LIG1: variants seen among roughly 807,000 people sequenced by gnomAD.
The protein encoded by LIG1 is ligase I, DNA, ATP-dependent.
In LIG1, 70 loss-of-function variants were observed where a neutral mutation model predicts 115.7. That is an observed-to-expected ratio of 0.60 (90% CI 0.50 to 0.74). LIG1 has a LOEUF of 0.74. Among genes scored for constraint, LIG1 ranks in the 30% least tolerant of loss-of-function variants. LIG1 has a pLI of 0.00. For missense variants in LIG1, 1,115 were observed against 1,225.6 expected, an observed-to-expected ratio of 0.91 and a Z score of 1.35; for synonymous variants, 487 against 495.3, an observed-to-expected ratio of 0.98 and a Z score of 0.22.
At position 48,122,918 on chromosome 19, in the gene LIG1, G is replaced by T. The variant is rs767192842; in HGVS notation, c.2232+16C>A. 8.1e-6 allele frequency: 13 copies of T among 1,612,886 alleles called. No individual in the cohort carries two copies. In the Admixed American group the frequency reaches 1.8e-4, roughly 23 times the overall value. On this transcript the variant is annotated intron_variant, in intron 23 of 27. Transcript: ENST00000263274. The surrounding 1 kb of genome is among the most constrained non-coding windows in gnomAD (Gnocchi z 4.3). ...GACCCGGGGTGGAGAAGGCCCAGTT[G>T]GGGGTCGAGAATCACCTTGAGCCAG...
intron 4 of LIG1, 165 bp downstream of exon 4, chr19:48,161,207 G>A: frequency 1.0e-6 from 1 of 973,962 alleles, no homozygotes; most frequent in Admixed American, 1.8e-5. Flanking sequence ...TAGGGCAGGG[G>A]CAATTAGGAC....
chr19:48,157,124 C>G lies in LIG1; in HGVS notation c.260G>C (p.Cys87Ser). ...PAKGQKPALD[C>S]SQVSPPRPAT... Reference sequence around the variant, plus strand: ...AGGACGGGGCGGGGAGACCTGTGAGCAGTCCAGGGCAGGCTTCTGGAAGAG... The same window carrying G: ...AGGACGGGGCGGGGAGACCTGTGAGGAGTCCAGGGCAGGCTTCTGGAAGAG... Residue 87 changes from cysteine to serine, a missense_variant, in exon 5 of 28, where the codon TGC becomes TCC. Cys to Ser is a moderately radical substitution (Grantham distance 112). Coordinates refer to ENST00000263274, the MANE Select transcript of LIG1 (RefSeq NM_000234.3). The G allele has an allele frequency of 6.2e-7, 1 of 1,611,664 alleles. No homozygotes were observed. The highest frequency in any genetic ancestry group is 8.5e-7 in the Non-Finnish European group (1 of 1,178,764).
Position 48,157,071 on chromosome 19 carries a change from G to T in LIG1, c.313C>A (p.Leu105Ile). ...CTGTCCATGGGAGAGGTGTCAGAGA[G>T]GGAAGCATTGTTCTCAGGAGATGTG... ...PATSPENNASLSDTSPMDSSP... is the reference protein window; with the variant it reads ...PATSPENNASISDTSPMDSSP... Residue 105 changes from leucine to isoleucine, a missense_variant, in exon 5 of 28, where the codon CTC becomes ATC. Leu to Ile is a conservative substitution (Grantham distance 5, BLOSUM62 2). Coordinates refer to ENST00000263274, the MANE Select transcript of LIG1 (RefSeq NM_000234.3). 6.2e-7 allele frequency: 1 copy of T among 1,612,954 alleles called. No homozygotes were observed. The highest frequency in any genetic ancestry group is 1.1e-5 in the South Asian group (1 of 91,070).
intron 26 of LIG1, among the ~76,000 whole-genome samples, chr19:48,116,401 T>C (rs1472774415): frequency 1.3e-5 from 2 of 148,832 alleles, no homozygotes; most frequent in African/African-American, 5.0e-5. Flanking sequence ...TGAGCTGAGA[T>C]TGCGCCACTG....
At chr19:48,165,514 A>C in intron 2 of LIG1, 36 bp downstream of exon 2, 6 of 1,463,362 alleles carry the variant, frequency 4.1e-6, no homozygotes, top group Non-Finnish European at 3.8e-6. Flanking sequence ...GAGGACTTGG[A>C]GAAGGAAAGA....
At chr19:48,169,715 G>A (rs956578699) in intron 1 of LIG1, 5 of 147,858 alleles carry the variant, frequency 3.4e-5, no homozygotes, top group African/African-American at 1.3e-4. Flanking sequence ...GCACTTCCAG[G>A]TGGCCCCCGC....
chr19:48,156,101 G>C (rs1227232352), intron 5 of LIG1, among the ~76,000 whole-genome samples: 2 of 152,166 alleles, frequency 1.3e-5, no homozygotes, highest in African/African-American at 4.8e-5. Flanking sequence ...TGTTCCCCAA[G>C]CTGGTTTTCC....
intron 9 of LIG1, among the ~76,000 whole-genome samples, chr19:48,145,064 T>C (rs991252364): frequency 1.3e-5 from 2 of 152,312 alleles, no homozygotes; most frequent in East Asian, 1.9e-4. Flanking sequence ...CAAGCAACCA[T>C]GCCCGACTGA....
In LIG1 at chr19:48,139,963, C is replaced by A. The variant is rs1015628038; in HGVS notation, c.1087+8G>T. 1.2e-6 allele frequency: 2 copies of A among 1,614,072 alleles called. No individual in the cohort carries two copies. Among genetic ancestry groups the A allele is most frequent in the Admixed American group, 1.7e-5 (1 of 60,028 alleles). On this transcript the variant is annotated splice_region_variant and intron_variant, in intron 12 of 27. Transcript: ENST00000263274. ...CCTTCTGGTCCCTCCAACCACAGTC[C>A]CCCTTACCTGTGGCCTGGGCCACTG...
At position 48,133,061 on chromosome 19, in the gene LIG1, CG is replaced by C; in HGVS notation, c.1645del (p.Arg549GlyfsTer7). On this transcript the variant is annotated frameshift_variant, in exon 18 of 28. Coordinates refer to ENST00000263274, the MANE Select transcript of LIG1 (RefSeq NM_000234.3). LOFTEE classifies it high-confidence loss of function. Reference protein sequence around the residue: ...PLKPMLAHPTRGISEVLKRFE... With the variant: ...PLKPMLAHPTXGISEVLKRFE... ...GCGTTTCAGGACCTCGCTGATGCCC[CG>C]GGTGGGATGGGCCAACATTGGTTTC... The C allele has an allele frequency of 6.2e-7, 1 of 1,614,086 alleles. No individual in the cohort carries two copies. The highest frequency in any genetic ancestry group is 8.5e-7 in the Non-Finnish European group (1 of 1,179,970).
chr19:48,145,375 G>A (rs1044161347), intron 9 of LIG1, among the ~76,000 whole-genome samples: 1 of 152,134 alleles, frequency 6.6e-6, no homozygotes, highest in African/African-American at 2.4e-5. Context: ...TACTATGACA[G>A]GTTGTCCTGA....
intron 3 of LIG1, 116 bp downstream of exon 3, chr19:48,162,145 TG>T: frequency 1.1e-6 from 1 of 898,824 alleles, no homozygotes; most frequent in Non-Finnish European, 1.9e-6. Flanking sequence ...TCTGGCCACC[TG>T]GCTGAAAAAG....
rs1364053861 is a variant in LIG1 at position 48,121,901 on chromosome 19, G to T, written c.2233-579C>A. Among the ~76,000 whole-genome samples, 3 of 152,206 alleles carry T rather than the reference G, an allele frequency of 2.0e-5. No individual in the cohort carries two copies. In the East Asian group the frequency reaches 5.8e-4, roughly 29 times the overall value. On this transcript the variant is annotated intron_variant, in intron 23 of 27. Coordinates refer to ENST00000263274, the MANE Select transcript of LIG1 (RefSeq NM_000234.3). ...GCCGCCGTCTTTCCCTCAGGACAGA[G>T]ACGTGGCCAACTCACTCTGGCCACT... is the stretch of plus-strand genomic sequence containing the variant.
At chr19:48,148,225 G>A (rs1055305294) in intron 9 of LIG1, among the ~76,000 whole-genome samples, 1 of 152,144 alleles carries the variant, frequency 6.6e-6, no homozygotes, top group Non-Finnish European at 1.5e-5. Flanking sequence ...TGTAATCCCA[G>A]CACTTTGAGA....
At chr19:48,135,939 C>T (rs1319116360) in intron 15 of LIG1, 95 bp downstream of exon 15, 8 of 1,108,180 alleles carry the variant, frequency 7.2e-6, no homozygotes, top group South Asian at 1.4e-5. Context: ...GGCAGGGGCC[C>T]GCTGGGGAAG....
Position 48,121,200 on chromosome 19 carries a change from C to T in LIG1, c.2355G>A (p.Glu785=). The T allele has an allele frequency of 1.9e-6, 3 of 1,614,140 alleles. No homozygotes were observed. In the East Asian group the frequency reaches 6.7e-5, roughly 36 times the overall value. ...ATATGGCCTGCAGCTCCTCACTGTC[C>T]TCGTCGTAGGAGGCCAGCAGGAAGC... is the stretch of plus-strand genomic sequence containing the variant. ...YGGFLLASYD[E]DSEELQAICK... Residue 785 remains glutamate (E), a synonymous_variant, in exon 24 of 28, where the codon GAG becomes GAA. Transcript: ENST00000263274.
chr19:48,128,103 T>C lies in LIG1; in HGVS notation c.1822-83A>G. 3 of 1,097,814 alleles carry C rather than the reference T, an allele frequency of 2.7e-6. No individual in the cohort carries two copies. The South Asian group carries it at 3.7e-5, about 14-fold the overall frequency. The allele number at this position is 1,097,814 out of a possible 1,614,324, so 68.0% of individuals were successfully genotyped here. On this transcript the variant is annotated intron_variant, in intron 19 of 27. Coordinates refer to ENST00000263274, the MANE Select transcript of LIG1 (RefSeq NM_000234.3). Reference sequence around the variant, plus strand: ...ACAAACACGGGGAGATAAATTCCCTTTTCCTTCTGCAGCTCTCAAGATGCA... The same window carrying C: ...ACAAACACGGGGAGATAAATTCCCTCTTCCTTCTGCAGCTCTCAAGATGCA...
intron 1 of LIG1, among the ~76,000 whole-genome samples, chr19:48,167,909 C>G (rs956083309): frequency 6.6e-6 from 1 of 151,248 alleles, no homozygotes; most frequent in African/African-American, 2.4e-5. Flanking sequence ...AGTTGGGGAG[C>G]AGGAAGTAAG....
chr19:48,147,708 T>C (rs61187135), intron 9 of LIG1, among the ~76,000 whole-genome samples: 23,689 of 151,960 alleles, frequency 0.16, 2,166 homozygotes, highest in African/African-American at 0.26. Flanking sequence ...TAAAGAGGAA[T>C]TTTTGTCTGA....
Sources: gnomAD v4.1 joint callset for allele counts (sites outside exome capture counted in the v4.1 genomes callset) on GRCh38, gnomAD v4.1.1 for gene constraint, Gnocchi (gnomAD v3.1) non-coding constraint, MANE v1.5 for transcripts, NCBI Gene and HGNC (gene_info 2026-07-23, HGNC 2026-07-21) for gene names.